The following CDC37L1 variants were observed in gnomAD, a reference collection of about 807,000 sequenced individuals.
The protein encoded by CDC37L1 is cell division cycle 37 like 1, HSP90 cochaperone.
CDC37L1 carries 32 observed loss-of-function variants against 45.9 expected under a neutral mutation model. The ratio of observed to expected loss-of-function variants is 0.70; its 90% CI spans 0.53 to 0.94. The LOEUF (loss-of-function observed/expected upper bound fraction) is 0.94. CDC37L1 is among the 40% of genes least tolerant of loss of function. The pLI is 0.00. For synonymous variants in CDC37L1, 150 were observed against 133.0 expected (o/e 1.13, Z -0.88); for missense variants, 434 against 405.7 (o/e 1.07, Z -0.60).
intron 1 of CDC37L1, among the ~76,000 whole-genome samples, chr9:4,681,934 G>A (rs574156189): frequency 2.6e-5 from 4 of 152,076 alleles, no homozygotes; most frequent in African/African-American, 9.7e-5. Context: ...TATGGTCATG[G>A]ATTAGAATGT....
chr9:4,702,831 G>C (rs1255879665), intron 6 of CDC37L1, among the ~76,000 whole-genome samples: 1 of 144,880 alleles, frequency 6.9e-6, no homozygotes, highest in Non-Finnish European at 1.5e-5. Context: ...AGAGCTTGCA[G>C]TGAGCCGAGA....
intron 6 of CDC37L1, among the ~76,000 whole-genome samples, chr9:4,704,964 C>G (rs1042287672): frequency 3.9e-5 from 6 of 152,052 alleles, no homozygotes; most frequent in African/African-American, 1.4e-4. Context: ...TGTGAGTGTC[C>G]CAGACCTCAG....
chr9:4,697,087 T>G lies in CDC37L1; in HGVS notation c.509-9T>G. ...TTTGACACTTATGGTTCAATTCTTT[T>G]TTTTACAGGTATGTTGAGTCGATGG... On this transcript the variant is annotated splice_polypyrimidine_tract_variant and intron_variant, in intron 3 of 6. Coordinates refer to ENST00000381854, the MANE Select transcript of CDC37L1 (RefSeq NM_017913.4). 8.0e-7 allele frequency: 1 copy of G among 1,247,840 alleles called. No individual in the cohort carries two copies. Among genetic ancestry groups the G allele is most frequent in the Non-Finnish European group, 1.2e-6 (1 of 860,782 alleles). 77.3% of individuals were successfully genotyped at this position (1,247,840 alleles called of 1,614,324 possible). A position where few individuals can be genotyped will look rare whatever the true frequency, so the allele number is the denominator to read the frequency against.
chr9:4,682,090 A>G (rs1346277289), intron 1 of CDC37L1, among the ~76,000 whole-genome samples: 1 of 152,036 alleles, frequency 6.6e-6, no homozygotes. Context: ...CTCCCAAATA[A>G]TTTGAAAATG....
chr9:4,690,664 A>C (rs972989198), intron 3 of CDC37L1, among the ~76,000 whole-genome samples: 3 of 152,216 alleles, frequency 2.0e-5, no homozygotes, highest in African/African-American at 7.2e-5. Flanking sequence ...GTGAACTTCC[A>C]ATATACTATC....
rs540754411 is a variant in CDC37L1 at position 4,688,008 on chromosome 9, T to A, written c.415-505T>A. On this transcript the variant is annotated intron_variant, in intron 2 of 6. Transcript: ENST00000381854. ...ATATCCACACATATATCGTATGTATTTTTTTGTGAGATGGAGTCTTGTTCT... is the reference window on the plus strand; with the variant it reads ...ATATCCACACATATATCGTATGTATATTTTTGTGAGATGGAGTCTTGTTCT... 3.3e-5 allele frequency among the ~76,000 whole-genome samples: 5 copies of A among 152,340 alleles called. No homozygotes were observed. In the East Asian group the frequency reaches 9.6e-4, roughly 29 times the overall value.
At chr9:4,689,190 G>T (rs920365145) in intron 3 of CDC37L1, among the ~76,000 whole-genome samples, 1 of 152,180 alleles carries the variant, frequency 6.6e-6, no homozygotes, top group Non-Finnish European at 1.5e-5. Flanking sequence ...TCATGTATAA[G>T]GGAGGCAAGC....
chr9:4,696,203 A>G (rs1380666769), intron 3 of CDC37L1, among the ~76,000 whole-genome samples: 3 of 152,160 alleles, frequency 2.0e-5, no homozygotes, highest in African/African-American at 7.2e-5. Flanking sequence ...TTGTGTACTG[A>G]TGTGGAATTA....
intron 1 of CDC37L1, among the ~76,000 whole-genome samples, chr9:4,682,967 A>G (rs1000474826): frequency 1.4e-5 from 2 of 144,486 alleles, no homozygotes; most frequent in African/African-American, 5.1e-5. Context: ...ATTTTAAAAT[A>G]TTATATTTTA....
intron 6 of CDC37L1, 116 bp from the exon 7 acceptor site, chr9:4,705,895 C>G (rs1470520248): frequency 2.1e-6 from 1 of 469,834 alleles, no homozygotes; most frequent in South Asian, 5.1e-5. Context: ...TCCTACTGCT[C>G]TACTACACTG....
chr9:4,702,965 C>G (rs1159348608), intron 6 of CDC37L1: 1 of 758,864 alleles, frequency 1.3e-6, no homozygotes. Context: ...GAGACATGAT[C>G]AGACCACTGG....
chr9:4,703,138 T>A, intron 6 of CDC37L1: 2 of 1,515,332 alleles, frequency 1.3e-6, no homozygotes, highest in Non-Finnish European at 1.8e-6. Context: ...GTCTACATTG[T>A]GAGAAGGAAA....
rs1841458982 is a variant in CDC37L1 at position 4,707,773 on chromosome 9, T to C, written c.*1661T>C. On this transcript the variant is annotated 3_prime_UTR_variant, in exon 7 of 7. Coordinates refer to ENST00000381854, the MANE Select transcript of CDC37L1 (RefSeq NM_017913.4). Reference sequence around the variant, plus strand: ...CTGAAGCAAGCTCTTATTTTTCCCTTTCTACCAAATTGAGAGAATGGGCAG... The same window carrying C: ...CTGAAGCAAGCTCTTATTTTTCCCTCTCTACCAAATTGAGAGAATGGGCAG... The C allele has an allele frequency of 6.6e-6, 1 of 152,312 alleles. No homozygotes were observed. The highest frequency in any genetic ancestry group is 2.4e-5 in the African/African-American group (1 of 41,572). The allele number at this position is 152,312 out of a possible 1,614,324, so 9.4% of individuals were successfully genotyped here. A position where few individuals can be genotyped will look rare whatever the true frequency, so the allele number is the denominator to read the frequency against.
At position 4,689,075 on chromosome 9, in the gene CDC37L1, G is replaced by A. The variant is rs1024622848; in HGVS notation, c.508+469G>A. 3.3e-5 allele frequency among the ~76,000 whole-genome samples: 5 copies of A among 152,088 alleles called. No homozygotes were observed. In the South Asian group the frequency reaches 1.0e-3, roughly 31 times the overall value. On this transcript the variant is annotated intron_variant, in intron 3 of 6. Transcript: ENST00000381854. ...GTATATATAAAGAACTGAAAAATAG[G>A]TTTTTTCTATTGGGGAAAAAGGGTA...
chr9:4,690,851 T>C (rs1841293914), intron 3 of CDC37L1, among the ~76,000 whole-genome samples: 2 of 152,244 alleles, frequency 1.3e-5, no homozygotes, highest in African/African-American at 4.8e-5. Context: ...TAGTAGGCTC[T>C]CAAAATGTTC....
At position 4,707,020 on chromosome 9, in the gene CDC37L1, C is replaced by A. The variant is rs1056319080; in HGVS notation, c.*908C>A. ...TATTTTGGTTTATTTTTTGATGTAG[C>A]CTTTTAAAAAAGGAGTCTTAAAAAT... On this transcript the variant is annotated 3_prime_UTR_variant, in exon 7 of 7. Coordinates refer to ENST00000381854, the MANE Select transcript of CDC37L1 (RefSeq NM_017913.4). The A allele has an allele frequency of 6.8e-6, 1 of 147,742 alleles. No homozygotes were observed. The highest frequency in any genetic ancestry group is 2.6e-5 in the African/African-American group (1 of 38,946). The allele number at this position is 147,742 out of a possible 1,614,324, so 9.2% of individuals were successfully genotyped here. A position where few individuals can be genotyped will look rare whatever the true frequency, so the allele number is the denominator to read the frequency against.
intron 3 of CDC37L1, among the ~76,000 whole-genome samples, chr9:4,695,894 G>A (rs1214250547): frequency 6.6e-6 from 1 of 152,138 alleles, no homozygotes; most frequent in Non-Finnish European, 1.5e-5. Flanking sequence ...GGGTTCAAGT[G>A]ATTCTTGTGC....
At position 4,685,162 on chromosome 9, in the gene CDC37L1, T is replaced by G. The variant is rs1381413164; in HGVS notation, c.414+4T>G. ...TAGCAAGGATGTTTTTAATAAGGTATGAGCTTTTACTGGGCCATAATGAAA... is the reference window on the plus strand; with the variant it reads ...TAGCAAGGATGTTTTTAATAAGGTAGGAGCTTTTACTGGGCCATAATGAAA... On this transcript the variant is annotated splice_donor_region_variant and intron_variant, in intron 2 of 6. Transcript: ENST00000381854. 1 of 1,609,772 alleles carries G rather than the reference T, an allele frequency of 6.2e-7. No homozygotes were observed. Among genetic ancestry groups the G allele is most frequent in the Admixed American group, 1.7e-5 (1 of 59,906 alleles).
intron 5 of CDC37L1, among the ~76,000 whole-genome samples, chr9:4,700,281 A>G (rs924548031): frequency 6.6e-6 from 1 of 152,120 alleles, no homozygotes; most frequent in African/African-American, 2.4e-5. Context: ...TCAGATTCCC[A>G]GGTAGCTGGG....
Sources: allele counts gnomAD v4.1 joint callset (sites outside exome capture counted in the v4.1 genomes callset), GRCh38; gene constraint gnomAD v4.1.1; transcripts MANE v1.5; gene names NCBI Gene and HGNC (gene_info 2026-07-23, HGNC 2026-07-21).